The following MARCHF1 variants were observed in gnomAD, a reference collection of about 807,000 sequenced individuals.
MARCHF1 encodes the protein E3 ubiquitin-protein ligase MARCHF1.
Under a neutral mutation model 54.2 loss-of-function variants are expected in MARCHF1, and 40 were observed. That is an observed-to-expected ratio of 0.74 (90% CI 0.57 to 0.96). The LOEUF (loss-of-function observed/expected upper bound fraction) is 0.96, where lower values mean the gene tolerates loss of function less well. Ranked by LOEUF, MARCHF1 falls within the 40% of genes least tolerant of loss-of-function variation. The pLI is 0.00. For synonymous variants in MARCHF1, 236 were observed against 236.3 expected, an observed-to-expected ratio of 1.00 and a Z score of 0.01; for missense variants, 586 against 656.5, an observed-to-expected ratio of 0.89 and a Z score of 1.17.
In MARCHF1 at chr4:164,191,034, A is replaced by G. The variant is rs76911235; in HGVS notation, c.-322-79372T>C. On this transcript the variant is annotated intron_variant, in intron 1 of 9. Coordinates refer to ENST00000514618, the MANE Select transcript of MARCHF1 (RefSeq NM_001394959.1). ...CCCTCAATGGTCAGCTGACCTCAGG[A>G]TAGATCCACAGAATTGTGCAAATCT... Among the ~76,000 whole-genome samples the G allele has an allele frequency of 6.1e-3, 932 of 152,334 alleles. 6 individuals carry two copies. The highest frequency in any genetic ancestry group is 0.021 in the African/African-American group (872 of 41,558).
chr4:163,679,105 C>T (rs1744011618), intron 5 of MARCHF1, among the ~76,000 whole-genome samples: 5 of 152,206 alleles, frequency 3.3e-5, no homozygotes, highest in Non-Finnish European at 5.9e-5. Context: ...GTATTTGGCT[C>T]TCAAAACATC....
chr4:164,267,187 A>C (rs1733632352), intron 1 of MARCHF1, among the ~76,000 whole-genome samples: 1 of 152,222 alleles, frequency 6.6e-6, no homozygotes, highest in Admixed American at 6.5e-5. Context: ...AGGCCTGAAT[A>C]AGAAATATTC....
chr4:164,197,017 T>C, intron 1 of MARCHF1: 1 of 1,605,300 alleles, frequency 6.2e-7, no homozygotes. Context: ...TCATTTTCGC[T>C]TCTGACCCCT....
At chr4:163,583,395 G>A (rs1740292232) in intron 8 of MARCHF1, among the ~76,000 whole-genome samples, 1 of 152,174 alleles carries the variant, frequency 6.6e-6, no homozygotes, top group Admixed American at 6.5e-5. Context: ...TGCTGGGGAA[G>A]CAACCTCTGG....
In MARCHF1 at chr4:164,353,936, C is replaced by T. The variant is rs1235224908; in HGVS notation, c.-323+29934G>A. On this transcript the variant is annotated intron_variant, in intron 1 of 9. Coordinates refer to ENST00000514618, the MANE Select transcript of MARCHF1 (RefSeq NM_001394959.1). ...TAAAAAATGATAAAGGGGATATCACCACTGATCCCACAGAAATACAAACTA... is the reference window on the plus strand; with the variant it reads ...TAAAAAATGATAAAGGGGATATCACTACTGATCCCACAGAAATACAAACTA... 5.8e-4 allele frequency among the ~76,000 whole-genome samples: 62 copies of T among 106,940 alleles called. 1 individual carries two copies. The highest frequency in any genetic ancestry group is 4.2e-3 in the Middle Eastern group (1 of 236). The allele number at this position is 106,940 out of a possible 152,430, so 70.2% of individuals were successfully genotyped here.
chr4:163,572,034 A>G (rs546017461), intron 8 of MARCHF1, among the ~76,000 whole-genome samples: 3 of 151,870 alleles, frequency 2.0e-5, no homozygotes, highest in Non-Finnish European at 4.4e-5. Flanking sequence ...TCTCTCTTCT[A>G]TTTTCTTCCC....
At chr4:164,106,766 T>TA (rs755552994) in intron 2 of MARCHF1, among the ~76,000 whole-genome samples, 889 of 44,108 alleles carry the variant, frequency 0.02, 13 homozygotes, top group African/African-American at 0.047. Flanking sequence ...TGAAGTATAA[T>TA]AAAAATAAAA....
At chr4:164,379,763 A>G (rs1034760813) in intron 1 of MARCHF1, among the ~76,000 whole-genome samples, 1 of 152,122 alleles carries the variant, frequency 6.6e-6, no homozygotes, top group African/African-American at 2.4e-5. Context: ...AGGCAGGCAG[A>G]TTGCTTGAGT....
chr4:164,105,610 C>T (rs1194834613), intron 2 of MARCHF1, among the ~76,000 whole-genome samples: 1 of 99,120 alleles, frequency 1.0e-5, no homozygotes, highest in Admixed American at 1.0e-4. Flanking sequence ...ATACAAAAAT[C>T]AATTCAAGAT....
chr4:164,159,538 T>C (rs1044011406), intron 1 of MARCHF1, among the ~76,000 whole-genome samples: 2 of 152,096 alleles, frequency 1.3e-5, no homozygotes, highest in African/African-American at 2.4e-5. Flanking sequence ...TACTTGACAA[T>C]AGGTTTTTTT....
intron 4 of MARCHF1, among the ~76,000 whole-genome samples, chr4:163,760,520 A>G (rs1349872010): frequency 6.6e-6 from 1 of 152,098 alleles, no homozygotes; most frequent in African/African-American, 2.4e-5. Flanking sequence ...GAAGTAATTG[A>G]AAGAGTTTTC....
intron 3 of MARCHF1, among the ~76,000 whole-genome samples, chr4:163,910,294 C>T (rs534500188): frequency 1.3e-5 from 2 of 152,034 alleles, no homozygotes; most frequent in Non-Finnish European, 1.5e-5. Context: ...AAACAACAAC[C>T]ATTAGACACT....
chr4:163,573,295 CTTATTATTATTATTA>C (rs34017689), intron 8 of MARCHF1, among the ~76,000 whole-genome samples: 4 of 144,344 alleles, frequency 2.8e-5, no homozygotes, highest in African/African-American at 5.1e-5. Flanking sequence ...TGCTTTTTCT[CTTATTATTATTATTA>C]TTATTATTAT....
intron 7 of MARCHF1, among the ~76,000 whole-genome samples, chr4:163,592,876 C>T (rs1485019482): frequency 1.3e-5 from 2 of 151,950 alleles, no homozygotes; most frequent in East Asian, 1.9e-4. Flanking sequence ...ATTAAGATTC[C>T]CCCATTCCCT....
At chr4:164,297,143 T>C (rs1048146930) in intron 1 of MARCHF1, among the ~76,000 whole-genome samples, 1 of 152,190 alleles carries the variant, frequency 6.6e-6, no homozygotes, top group Non-Finnish European at 1.5e-5. Context: ...TATGTAAAAA[T>C]GGTAGGTACT....
chr4:163,929,486 T>C (rs1470762627), intron 3 of MARCHF1, among the ~76,000 whole-genome samples: 2 of 152,092 alleles, frequency 1.3e-5, no homozygotes, highest in African/African-American at 4.8e-5. Context: ...GTGATCAGAT[T>C]GACTTAACAA....
chr4:164,242,614 C>A (rs1202391722), intron 1 of MARCHF1, among the ~76,000 whole-genome samples: 4 of 152,150 alleles, frequency 2.6e-5, no homozygotes, highest in African/African-American at 7.2e-5. Flanking sequence ...AGCAATGGAA[C>A]AAAGCTGGAT....
intron 1 of MARCHF1, among the ~76,000 whole-genome samples, chr4:164,331,723 A>G (rs1228316298): frequency 6.6e-6 from 1 of 152,162 alleles, no homozygotes; most frequent in African/African-American, 2.4e-5. Context: ...AATAATTCTC[A>G]AGACAAATTT....
intron 1 of MARCHF1, among the ~76,000 whole-genome samples, chr4:164,343,426 C>T (rs1579737052): frequency 6.6e-6 from 1 of 152,248 alleles, no homozygotes; most frequent in Non-Finnish European, 1.5e-5. Flanking sequence ...TATCAACAGA[C>T]AACCTACAGA....
Sources: allele counts gnomAD v4.1 joint callset (sites outside exome capture counted in the v4.1 genomes callset), GRCh38; gene constraint gnomAD v4.1.1; transcripts MANE v1.5; gene names NCBI Gene and HGNC (gene_info 2026-07-23, HGNC 2026-07-21).